Variants in DAP3 observed in about 807,000 individuals in gnomAD.
The protein encoded by DAP3 is small ribosomal subunit protein mS29.
DAP3 carries 28 observed loss-of-function variants against 51.9 expected under a neutral mutation model. That is an observed-to-expected ratio of 0.54 (90% CI 0.40 to 0.74). The LOEUF (loss-of-function observed/expected upper bound fraction) is 0.74, where lower values mean the gene tolerates loss of function less well. DAP3 is among the 30% of genes least tolerant of loss of function. The pLI is 0.00. For missense variants in DAP3, 458 were observed against 483.5 expected (o/e 0.95, Z 0.49); for synonymous variants, 170 against 170.3 (o/e 1.00, Z 0.01).
At chr1:155,705,688 T>A (rs1210522214) in intron 1 of DAP3, among the ~76,000 whole-genome samples, 1 of 151,514 alleles carries the variant, frequency 6.6e-6, no homozygotes, top group East Asian at 1.9e-4. Flanking sequence ...TATTTATTTT[T>A]AAATATTATT....
intron 2 of DAP3, among the ~76,000 whole-genome samples, chr1:155,711,266 G>A (rs1236580453): frequency 6.6e-6 from 1 of 152,192 alleles, no homozygotes; most frequent in African/African-American, 2.4e-5. Flanking sequence ...GCCGAGGCAG[G>A]CAGATCACCT....
intron 1 of DAP3, among the ~76,000 whole-genome samples, chr1:155,707,598 A>G (rs1038303660): frequency 6.6e-6 from 1 of 152,164 alleles, no homozygotes; most frequent in Non-Finnish European, 1.5e-5. Flanking sequence ...AATACACATG[A>G]TATGAAAATA....
intron 1 of DAP3, among the ~76,000 whole-genome samples, chr1:155,704,946 TC>T (rs1243604349): frequency 6.6e-6 from 1 of 151,970 alleles, no homozygotes; most frequent in African/African-American, 2.4e-5. Context: ...GCCACTGCAC[TC>T]CAGCCTGGGC....
At chr1:155,714,215 T>A (rs1657061008) in intron 2 of DAP3, among the ~76,000 whole-genome samples, 1 of 152,172 alleles carries the variant, frequency 6.6e-6, no homozygotes, top group South Asian at 2.1e-4. Flanking sequence ...TTTGACATCG[T>A]TCTGGAACCT....
At chr1:155,720,191 G>A (rs1471757876) in intron 3 of DAP3, among the ~76,000 whole-genome samples, 1 of 151,568 alleles carries the variant, frequency 6.6e-6, no homozygotes, top group African/African-American at 2.4e-5. Context: ...CAGGTGTAGT[G>A]GTGCACACCT....
chr1:155,731,498 T>A, intron 10 of DAP3, 83 bp downstream of exon 10: 1 of 1,371,648 alleles, frequency 7.3e-7, no homozygotes, highest in Non-Finnish European at 1.0e-6. Context: ...TTGCTAATAC[T>A]TTACAGTCTC....
intron 2 of DAP3, 82 bp from the exon 3 acceptor site, chr1:155,716,924 G>A (rs1445206980): frequency 4.5e-6 from 7 of 1,549,242 alleles, no homozygotes; most frequent in Non-Finnish European, 6.1e-6. Context: ...CTCCAGCTTG[G>A]GCAACAAGAG....
chr1:155,728,531 C>T (rs777164393), intron 7 of DAP3, among the ~76,000 whole-genome samples: 19 of 151,966 alleles, frequency 1.3e-4, no homozygotes, highest in Non-Finnish European at 2.5e-4. Context: ...CATTGTACTC[C>T]AGCCTGGGTA....
At position 155,735,195 on chromosome 1, in the gene DAP3, C is replaced by T. The variant is rs1225755715; in HGVS notation, c.994-1751C>T. Among the ~76,000 whole-genome samples the T allele has an allele frequency of 2.6e-5, 4 of 151,730 alleles. No homozygotes were observed. In the Middle Eastern group the frequency reaches 0.01, roughly 390 times the overall value. ...ACTCCGAAGGCTGAGGTGGGAGAAT[C>T]GCTTGACCCTGGGAGGCAGAGGTTG... is the stretch of plus-strand genomic sequence containing the variant. On this transcript the variant is annotated intron_variant, in intron 11 of 12. Transcript: ENST00000368336.
upstream of DAP3, chr1:155,688,740 C>G (rs983948468): frequency 4.1e-5 from 62 of 1,518,180 alleles, 1 homozygote; most frequent in Middle Eastern, 6.1e-4. Flanking sequence ...CACCAACCGC[C>G]GCCAAAGCAG....
At chr1:155,706,223 C>G (rs1332275584) in intron 1 of DAP3, among the ~76,000 whole-genome samples, 1 of 152,096 alleles carries the variant, frequency 6.6e-6, no homozygotes, top group Non-Finnish European at 1.5e-5. Context: ...CCAAGCTGGT[C>G]TCAAACTCCT....
At chr1:155,733,516 C>T (rs1406204110) in intron 11 of DAP3, among the ~76,000 whole-genome samples, 1 of 152,056 alleles carries the variant, frequency 6.6e-6, no homozygotes, top group Non-Finnish European at 1.5e-5. Flanking sequence ...TATTTTGGTG[C>T]TCAAATCATC....
chr1:155,709,181 C>T (rs1656390983), intron 1 of DAP3: 1 of 151,420 alleles, frequency 6.6e-6, no homozygotes, highest in Non-Finnish European at 1.5e-5. Flanking sequence ...TGGTCTCACT[C>T]TGTCATCCAT....
intron 11 of DAP3, among the ~76,000 whole-genome samples, chr1:155,735,066 C>T (rs559800466): frequency 1.4e-4 from 21 of 145,200 alleles, no homozygotes; most frequent in African/African-American, 5.1e-4. Flanking sequence ...AGATCTAGAC[C>T]GGCCTGGCCA....
chr1:155,706,801 T>C (rs923837803), intron 1 of DAP3, among the ~76,000 whole-genome samples: 1 of 151,178 alleles, frequency 6.6e-6, no homozygotes. Context: ...GTGAAAATGA[T>C]AGCCAAGGGG....
Position 155,731,925 on chromosome 1 carries a change from CT to C in DAP3, c.904-15del. On this transcript the variant is annotated intron_variant, in intron 10 of 12. Transcript: ENST00000368336. ...CCTTTTTAACTTTTTCCAGTTCAGC[CT>C]TTTCTCTTTTCTTTCAGCATGGAGG... The C allele has an allele frequency of 3.8e-6, 6 of 1,588,384 alleles. No individual in the cohort carries two copies. The highest frequency in any genetic ancestry group is 1.9e-5 in the Admixed American group (1 of 53,874).
intron 1 of DAP3, among the ~76,000 whole-genome samples, chr1:155,705,322 C>A (rs1018959566): frequency 6.8e-6 from 1 of 147,436 alleles, no homozygotes; most frequent in Non-Finnish European, 1.5e-5. Context: ...TGAAGCAGAG[C>A]ATGGTGGCTC....
intron 11 of DAP3, among the ~76,000 whole-genome samples, chr1:155,735,136 A>G (rs1461393180): frequency 6.7e-6 from 1 of 149,258 alleles, no homozygotes; most frequent in Non-Finnish European, 1.5e-5. Flanking sequence ...AAAAAAAATT[A>G]GCCGGGCGTG....
intron 1 of DAP3, among the ~76,000 whole-genome samples, chr1:155,690,326 C>A (rs1653582842): frequency 7.1e-6 from 1 of 140,840 alleles, no homozygotes; most frequent in Non-Finnish European, 1.5e-5. Context: ...CGGAGGAGGG[C>A]GCATTGCTTG....
Sources: allele counts gnomAD v4.1 joint callset (sites outside exome capture counted in the v4.1 genomes callset), GRCh38; gene constraint gnomAD v4.1.1; transcripts MANE v1.5; gene names NCBI Gene and HGNC (gene_info 2026-07-23, HGNC 2026-07-21).